PEX5L: variants seen among roughly 807,000 people sequenced by gnomAD.
The protein encoded by PEX5L is PEX5-related protein.
PEX5L carries 30 observed loss-of-function variants against 84.0 expected under a neutral mutation model. The observed-to-expected ratio is 0.36, with a 90% confidence interval of 0.27 to 0.48. The LOEUF (loss-of-function observed/expected upper bound fraction) is 0.48. PEX5L is among the 20% of genes least tolerant of loss of function. PEX5L has a pLI of 0.99. For synonymous variants in PEX5L, 270 were observed against 283.1 expected (o/e 0.95, Z 0.46); for missense variants, 533 against 754.6 (o/e 0.71, Z 3.44).
chr3:179,984,157 A>T (rs1389018966), intron 1 of PEX5L, among the ~76,000 whole-genome samples: 1 of 152,140 alleles, frequency 6.6e-6, no homozygotes, highest in Non-Finnish European at 1.5e-5. Flanking sequence ...TTATTTAAAA[A>T]GGCTTTTAAA....
chr3:179,919,043 G>A (rs1261282950), intron 2 of PEX5L, among the ~76,000 whole-genome samples: 1 of 152,184 alleles, frequency 6.6e-6, no homozygotes, highest in Non-Finnish European at 1.5e-5. Context: ...GCTTGGTCAA[G>A]TACTATTTCA....
intron 3 of PEX5L, among the ~76,000 whole-genome samples, chr3:179,890,106 G>T (rs1299665207): frequency 6.6e-6 from 1 of 151,996 alleles, no homozygotes; most frequent in East Asian, 1.9e-4. Context: ...CATATTTCCT[G>T]GTAGGACTTG....
At chr3:179,941,020 C>T (rs933294041) in intron 2 of PEX5L, among the ~76,000 whole-genome samples, 9 of 152,154 alleles carry the variant, frequency 5.9e-5, no homozygotes, top group East Asian at 1.9e-4. Context: ...ATATAACCAG[C>T]GGTCTTTCAC....
At chr3:179,842,397 C>G (rs778178252) in intron 8 of PEX5L, among the ~76,000 whole-genome samples, 1 of 152,144 alleles carries the variant, frequency 6.6e-6, no homozygotes. Flanking sequence ...CTCTCCAGAG[C>G]TAGTGTTAAG....
At chr3:180,005,848 C>A (rs1788841112) in intron 1 of PEX5L, among the ~76,000 whole-genome samples, 1 of 152,204 alleles carries the variant, frequency 6.6e-6, no homozygotes, top group South Asian at 2.1e-4. Context: ...CAGGCATGAG[C>A]CATTGTGCTC....
chr3:179,809,122 C>T (rs1204810002), intron 12 of PEX5L, among the ~76,000 whole-genome samples: 1 of 133,520 alleles, frequency 7.5e-6, no homozygotes, highest in Non-Finnish European at 1.6e-5. Flanking sequence ...TTCTAGAAGA[C>T]GAGACTTTCA....
chr3:179,887,897 AATAC>A, intron 3 of PEX5L, 113 bp from the exon 4 acceptor site: 1 of 740,868 alleles, frequency 1.3e-6, no homozygotes, highest in Non-Finnish European at 2.3e-6. Flanking sequence ...AAAATAAATA[AATAC>A]ATAAATAAAT....
chr3:180,018,554 C>A (rs7645574), intron 1 of PEX5L, among the ~76,000 whole-genome samples: 3 of 152,020 alleles, frequency 2.0e-5, no homozygotes, highest in Admixed American at 6.6e-5. Context: ...TTAAAGATAG[C>A]GCCAATATTT....
chr3:179,859,703 T>A (rs1745321761), intron 7 of PEX5L, among the ~76,000 whole-genome samples: 1 of 152,216 alleles, frequency 6.6e-6, no homozygotes, highest in African/African-American at 2.4e-5. Context: ...CTGTCTTATG[T>A]CTCATTTCTT....
chr3:179,960,249 A>G (rs1560930915), intron 2 of PEX5L, among the ~76,000 whole-genome samples: 1 of 152,222 alleles, frequency 6.6e-6, no homozygotes, highest in Non-Finnish European at 1.5e-5. Context: ...AATATTTGTG[A>G]TATATGTTAT....
At chr3:179,959,695 C>T (rs1484790666) in intron 2 of PEX5L, among the ~76,000 whole-genome samples, 2 of 151,902 alleles carry the variant, frequency 1.3e-5, no homozygotes, top group Non-Finnish European at 2.9e-5. Flanking sequence ...CTCTCAGGAT[C>T]AGTATCAAAA....
chr3:179,895,709 A>G (rs1430820093), intron 3 of PEX5L: 1 of 152,162 alleles, frequency 6.6e-6, no homozygotes, highest in Non-Finnish European at 1.5e-5. Flanking sequence ...AGTAATAATC[A>G]CATAATACAA....
At chr3:179,952,145 G>A (rs547253638) in intron 2 of PEX5L, among the ~76,000 whole-genome samples, 188 of 152,272 alleles carry the variant, frequency 1.2e-3, no homozygotes, top group African/African-American at 4.3e-3. Context: ...TAATAAGGCA[G>A]ATTTCCAAAG....
At chr3:179,925,860 G>A (rs1168802323) in intron 2 of PEX5L, among the ~76,000 whole-genome samples, 4 of 151,844 alleles carry the variant, frequency 2.6e-5, no homozygotes, top group Non-Finnish European at 5.9e-5. Flanking sequence ...ACAAGTGCAG[G>A]TAAAATTATT....
chr3:179,806,304 C>T (rs1721294460), intron 14 of PEX5L, among the ~76,000 whole-genome samples: 1 of 152,100 alleles, frequency 6.6e-6, no homozygotes, highest in Admixed American at 6.5e-5. Context: ...AGGGGGGTGG[C>T]ACAGAGTCAG....
intron 1 of PEX5L, among the ~76,000 whole-genome samples, chr3:180,026,160 T>G (rs1579400599): frequency 6.9e-6 from 1 of 145,962 alleles, no homozygotes; most frequent in South Asian, 2.2e-4. Context: ...TTTTTGCAAT[T>G]TGGGAATAGG....
At position 180,036,606 on chromosome 3, in the gene PEX5L, T is replaced by G. The variant is rs780714931; in HGVS notation, c.-7A>C. 1.4e-5 allele frequency: 23 copies of G among 1,614,038 alleles called. No homozygotes were observed. In the Admixed American group the frequency reaches 1.5e-4, roughly 11 times the overall value. ...GCATGTGTCCCTGGTACATTCTGCTTCGGTTTCTTCAGGGCTCCCTGAGGC... is the reference window on the plus strand; with the variant it reads ...GCATGTGTCCCTGGTACATTCTGCTGCGGTTTCTTCAGGGCTCCCTGAGGC... On this transcript the variant is annotated 5_prime_UTR_variant, in exon 1 of 15. Coordinates refer to ENST00000467460, the MANE Select transcript of PEX5L (RefSeq NM_016559.3).
intron 2 of PEX5L, among the ~76,000 whole-genome samples, chr3:179,952,116 C>G (rs1020140378): frequency 6.6e-6 from 1 of 152,084 alleles, no homozygotes; most frequent in Non-Finnish European, 1.5e-5. Flanking sequence ...TATAGATTTG[C>G]AAGAAAGCTT....
chr3:179,866,806 C>T (rs1285348130), intron 7 of PEX5L, among the ~76,000 whole-genome samples: 1 of 151,866 alleles, frequency 6.6e-6, no homozygotes, highest in Admixed American at 6.6e-5. Flanking sequence ...GGGCGGATTG[C>T]CCGAGCTCGG....
Sources: allele counts gnomAD v4.1 joint callset (sites outside exome capture counted in the v4.1 genomes callset), GRCh38; gene constraint gnomAD v4.1.1; transcripts MANE v1.5; gene names NCBI Gene and HGNC (gene_info 2026-07-23, HGNC 2026-07-21).